The following EPN2 variants were observed in gnomAD, a reference collection of about 807,000 sequenced individuals.
EPN2 encodes epsin-2.
A neutral mutation model predicts 61.7 loss-of-function variants in EPN2; 34 were observed. The ratio of observed to expected loss-of-function variants is 0.55; its 90% CI spans 0.42 to 0.73. The LOEUF is 0.73. Among genes scored for constraint, EPN2 ranks in the 30% least tolerant of loss-of-function variants. The pLI is 0.00. For synonymous variants in EPN2, 349 were observed against 353.6 expected (o/e 0.99, Z 0.15); for missense variants, 714 against 839.2 (o/e 0.85, Z 1.84).
chr17:19,317,926 G>T (rs1165467308), intron 7 of EPN2, among the ~76,000 whole-genome samples: 2 of 152,154 alleles, frequency 1.3e-5, no homozygotes, highest in Admixed American at 1.3e-4. Flanking sequence ...TTTCAAGAAA[G>T]CAAGGTGCCA....
At chr17:19,290,724 A>AAG (rs2045456180) in intron 4 of EPN2, among the ~76,000 whole-genome samples, 2 of 149,126 alleles carry the variant, frequency 1.3e-5, no homozygotes, top group Non-Finnish European at 3.0e-5. Flanking sequence ...AAGAAAAAAA[A>AAG]AGAAAAAGGA....
chr17:19,327,190 T>C (rs2152238556), intron 7 of EPN2, among the ~76,000 whole-genome samples: 1 of 152,146 alleles, frequency 6.6e-6, no homozygotes, highest in South Asian at 2.1e-4. Flanking sequence ...TGTATACATG[T>C]GAACAAGAAC....
In EPN2 at chr17:19,313,257, T is replaced by C. The variant is rs769878520; in HGVS notation, c.1125T>C (p.Thr375=). The C allele has an allele frequency of 1.3e-6, 2 of 1,557,828 alleles. No individual in the cohort carries two copies. The highest frequency in any genetic ancestry group is 1.2e-5 in the South Asian group (1 of 83,334). ...PWGGPAAPAS[T]SDPWPSFGTK... is the part of the protein sequence containing the mutation. ...GCGGGCCAGCGGCTCCTGCGAGTAC[T>C]TCAGACCCCTGGCCATCGTTTGGTA... Residue 375 remains threonine, a synonymous_variant, in exon 7 of 11, where the codon ACT becomes ACC. Transcript: ENST00000314728.
At chr17:19,316,948 A>G (rs1436984921) in intron 7 of EPN2, among the ~76,000 whole-genome samples, 1 of 152,194 alleles carries the variant, frequency 6.6e-6, no homozygotes, top group African/African-American at 2.4e-5. Flanking sequence ...GTGTTAGCAC[A>G]CCCTCTGCTT....
At chr17:19,266,550 C>A in intron 1 of EPN2, among the ~76,000 whole-genome samples, 1 of 151,888 alleles carries the variant, frequency 6.6e-6, no homozygotes, top group East Asian at 1.9e-4. Context: ...CTACAGGCGC[C>A]CGCTACCACG....
chr17:19,240,383 C>G (rs1264690296), intron 1 of EPN2, among the ~76,000 whole-genome samples: 2 of 152,118 alleles, frequency 1.3e-5, no homozygotes, highest in African/African-American at 2.4e-5. Context: ...GTAGCTGGGA[C>G]TACAGGCGTG....
At chr17:19,321,169 A>G (rs1906620863) in intron 7 of EPN2, among the ~76,000 whole-genome samples, 3 of 152,308 alleles carry the variant, frequency 2.0e-5, no homozygotes, top group East Asian at 1.9e-4. Flanking sequence ...AGTGCCCCAC[A>G]TACAGTATGT....
intron 1 of EPN2, among the ~76,000 whole-genome samples, chr17:19,255,436 CTTTATTTATTTATTTATTTATTTA>C (rs58603139): frequency 2.9e-5 from 4 of 138,264 alleles, no homozygotes; most frequent in African/African-American, 8.0e-5. Context: ...TCTTCATTTA[CTTTATTTATTTATTTATTTATTTA>C]TTTATTTATT....
intron 7 of EPN2, among the ~76,000 whole-genome samples, chr17:19,320,913 T>TTCAA (rs1169490785): frequency 1.3e-5 from 2 of 152,200 alleles, no homozygotes; most frequent in Non-Finnish European, 2.9e-5. Flanking sequence ...GTGACCTCTC[T>TTCAA]TCAATCCCTA....
At chr17:19,333,792 C>T (rs1364856686) in intron 10 of EPN2, among the ~76,000 whole-genome samples, 164 bp from the exon 11 acceptor site, 1 of 152,204 alleles carries the variant, frequency 6.6e-6, no homozygotes, top group Non-Finnish European at 1.5e-5. Flanking sequence ...CAGATTCATG[C>T]AGTCAGCAGA....
rs183788469 is a variant in EPN2 at position 19,298,398 on chromosome 17, T to G, written c.767-11487T>G. Among the ~76,000 whole-genome samples, 140 of 152,108 alleles carry G rather than the reference T, an allele frequency of 9.2e-4. No homozygotes were observed. In the Middle Eastern group the frequency reaches 0.01, roughly 11 times the overall value. ...TTTAGTAGAGATGGGGTTTTGCCAT[T>G]TTGGCTAGGCTGGTCTCAAACTCCT... On this transcript the variant is annotated intron_variant, in intron 4 of 10. Coordinates refer to ENST00000314728, the MANE Select transcript of EPN2 (RefSeq NM_014964.5).
At chr17:19,323,835 G>A (rs1397899510) in intron 7 of EPN2, among the ~76,000 whole-genome samples, 1 of 152,184 alleles carries the variant, frequency 6.6e-6, no homozygotes, top group African/African-American at 2.4e-5. Flanking sequence ...AAGTTGAAAG[G>A]ATGACATCTG....
intron 7 of EPN2, among the ~76,000 whole-genome samples, chr17:19,320,011 C>T (rs1437192413): frequency 2.0e-5 from 3 of 152,242 alleles, no homozygotes; most frequent in African/African-American, 4.8e-5. Context: ...GCCAGAAAGG[C>T]GAAGCCTGAG....
At chr17:19,323,150 C>T (rs565846104) in intron 7 of EPN2, among the ~76,000 whole-genome samples, 1 of 152,276 alleles carries the variant, frequency 6.6e-6, no homozygotes, top group East Asian at 1.9e-4. Flanking sequence ...AGGGAGTTTA[C>T]AGTGCATGAG....
rs1446199966 is a variant in EPN2, at chr17:19,285,542, C to T, written c.596-78C>T. 1.4e-5 allele frequency: 19 copies of T among 1,383,310 alleles called. No homozygotes were observed. The East Asian group carries it at 2.0e-4, about 15-fold the overall frequency. The allele number at this position is 1,383,310 out of a possible 1,614,324, so 85.7% of individuals were successfully genotyped here. A position where few individuals can be genotyped will look rare whatever the true frequency, so the allele number is the denominator to read the frequency against. ...GGGTTGACCCCGAGTGGCCTTGGCC[C>T]GTACCTCCTGCAGGGGCTGCTGCGC... On this transcript the variant is annotated intron_variant, in intron 3 of 10. Coordinates refer to ENST00000314728, the MANE Select transcript of EPN2 (RefSeq NM_014964.5). The surrounding 1 kb of genome is among the most constrained non-coding windows in gnomAD (Gnocchi z 4.5).
Position 19,334,020 on chromosome 17 carries a change from G to T in EPN2, c.1692G>T (p.Leu564=). 6.2e-7 allele frequency: 1 copy of T among 1,600,624 alleles called. No homozygotes were observed. Among genetic ancestry groups the T allele is most frequent in the Non-Finnish European group, 8.5e-7 (1 of 1,171,472 alleles). ...TGAACCAGCCCCAGCCGCTGACACT[G>T]AACCAGCTTCGGGGGAGCCCAGTCC... is the stretch of plus-strand genomic sequence containing the variant. ...FQVNQPQPLT[L]NQLRGSPVLG... is the part of the protein sequence containing the mutation. The change falls in exon 11 of 11, where the codon CTG becomes CTT. Residue 564 remains leucine (L), a synonymous_variant. Coordinates refer to ENST00000314728, the MANE Select transcript of EPN2 (RefSeq NM_014964.5). This position sits in a 1 kb window ranked among gnomAD's most constrained non-coding sequence, Gnocchi z 4.9.
chr17:19,274,145 C>G (rs541686968), intron 1 of EPN2: 1 of 152,486 alleles, frequency 6.6e-6, no homozygotes, highest in Non-Finnish European at 1.5e-5. Context: ...ATTCAGGTGT[C>G]CTGCAGTGGA....
Position 19,266,693 on chromosome 17 carries a change from C to T in EPN2, c.-293-15262C>T, listed in dbSNP as rs1178743699. On this transcript the variant is annotated intron_variant, in intron 1 of 10. Transcript: ENST00000314728. ...CTGGGATTACAGGCATAAGCCACCA[C>T]GCCCGGCCATCTCAGCATTATGAAT... is the stretch of plus-strand genomic sequence containing the variant. Among the ~76,000 whole-genome samples, 16 of 151,902 alleles carry T rather than the reference C, an allele frequency of 1.1e-4. No homozygotes were observed. The East Asian group carries it at 1.2e-3, about 11-fold the overall frequency.
chr17:19,307,584 C>G (rs1225662277), intron 4 of EPN2, among the ~76,000 whole-genome samples: 14 of 152,364 alleles, frequency 9.2e-5, no homozygotes, highest in Admixed American at 8.5e-4. Flanking sequence ...ACCTCGTGAT[C>G]TGCCTGCCTC....
Sources: allele counts gnomAD v4.1 joint callset (sites outside exome capture counted in the v4.1 genomes callset), GRCh38; gene constraint gnomAD v4.1.1; non-coding constraint Gnocchi (gnomAD v3.1); transcripts MANE v1.5; gene names NCBI Gene and HGNC (gene_info 2026-07-23, HGNC 2026-07-21).